Variants in SORCS1 observed in about 807,000 individuals in gnomAD.
SORCS1 encodes VPS10 domain-containing receptor SorCS1.
Under a neutral mutation model 146.1 loss-of-function variants are expected in SORCS1, and 60 were observed. That is an observed-to-expected ratio of 0.41 (90% CI 0.33 to 0.51). The LOEUF (loss-of-function observed/expected upper bound fraction) is 0.51, where lower values mean the gene tolerates loss of function less well. Ranked by LOEUF, SORCS1 falls within the 20% of genes least tolerant of loss-of-function variation. The probability of loss-of-function intolerance (pLI) is 0.21; values close to 1 mark genes in which losing one functional copy is unlikely to be tolerated. For synonymous variants in SORCS1, 637 were observed against 584.0 expected, an observed-to-expected ratio of 1.09 and a Z score of -1.31; for missense variants, 1,352 against 1,487.6, an observed-to-expected ratio of 0.91 and a Z score of 1.50.
chr10:107,013,091 G>A (rs775255583), intron 1 of SORCS1, among the ~76,000 whole-genome samples: 1 of 152,150 alleles, frequency 6.6e-6, no homozygotes, highest in Admixed American at 6.5e-5. Flanking sequence ...GGGGCTTGTA[G>A]AGTACCTGGT....
chr10:106,989,690 T>TTTTTTTTTTTTTTTTTTTTTTTG (rs1956680929), intron 1 of SORCS1, among the ~76,000 whole-genome samples: 1 of 140,260 alleles, frequency 7.1e-6, no homozygotes, highest in African/African-American at 2.8e-5. Flanking sequence ...GTTTTTTTTT[T>TTTTTTTTTTTTTTTTTTTTTTTG]TTTTTTTTTT....
chr10:106,822,829 G>A (rs975849719), intron 3 of SORCS1, among the ~76,000 whole-genome samples: 2 of 135,862 alleles, frequency 1.5e-5, no homozygotes, highest in African/African-American at 5.9e-5. Context: ...TGCCCAGGCT[G>A]GAGTGCAGTG....
At chr10:106,681,239 GT>G (rs1175840321) in intron 10 of SORCS1, among the ~76,000 whole-genome samples, 1 of 152,126 alleles carries the variant, frequency 6.6e-6, no homozygotes, top group Non-Finnish European at 1.5e-5. Flanking sequence ...GTAAGACAGG[GT>G]AAACCAGGAG....
intron 2 of SORCS1, among the ~76,000 whole-genome samples, chr10:106,948,473 G>C (rs1320998465): frequency 6.6e-6 from 1 of 151,930 alleles, no homozygotes; most frequent in Non-Finnish European, 1.5e-5. Context: ...AGGGGTCCAA[G>C]ACCAGTCTGG....
chr10:106,822,384 C>T (rs948116180), intron 3 of SORCS1, among the ~76,000 whole-genome samples: 8 of 152,168 alleles, frequency 5.3e-5, no homozygotes, highest in Non-Finnish European at 1.0e-4. Context: ...CAGAGGCTTC[C>T]GCAGGGACTT....
intron 3 of SORCS1, among the ~76,000 whole-genome samples, chr10:106,812,583 T>C (rs1947520860): frequency 6.6e-6 from 1 of 152,228 alleles, no homozygotes; most frequent in Non-Finnish European, 1.5e-5. Context: ...GGTAGTTCTA[T>C]TAGTTTCTTT....
chr10:106,702,701 T>C (rs367845166), intron 8 of SORCS1, among the ~76,000 whole-genome samples: 51 of 152,354 alleles, frequency 3.3e-4, no homozygotes, highest in African/African-American at 1.2e-3. Flanking sequence ...TTGAAAAGTT[T>C]AAAATATTTA....
the SORCS1 span, among the ~76,000 whole-genome samples, chr10:107,177,101 TTTATG>T: frequency 6.6e-6 from 1 of 152,172 alleles, no homozygotes; most frequent in Non-Finnish European, 1.5e-5. Flanking sequence ...TGAATTCTCC[TTTATG>T]TTATTTTTTG....
intron 23 of SORCS1, among the ~76,000 whole-genome samples, chr10:106,605,366 A>G (rs17121047): frequency 0.042 from 6,402 of 152,300 alleles, 313 homozygotes; most frequent in East Asian, 0.19. Context: ...AAAATACAAC[A>G]CTTTTAGAAA....
chr10:106,690,674 T>C (rs138954808), intron 9 of SORCS1, among the ~76,000 whole-genome samples: 30 of 152,358 alleles, frequency 2.0e-4, no homozygotes, highest in Non-Finnish European at 4.1e-4. Context: ...CGACAGGGGA[T>C]AGAGCTGGAG....
chr10:106,656,535 T>C (rs1329255939), intron 17 of SORCS1, among the ~76,000 whole-genome samples: 1 of 152,040 alleles, frequency 6.6e-6, no homozygotes, highest in Non-Finnish European at 1.5e-5. Context: ...CCGAGCGAGA[T>C]TCTTTCTCAA....
chr10:106,669,850 T>A (rs1398318983), intron 16 of SORCS1, among the ~76,000 whole-genome samples: 1 of 152,194 alleles, frequency 6.6e-6, no homozygotes, highest in African/African-American at 2.4e-5. Flanking sequence ...GCTGCCACTC[T>A]TGTCAGACCT....
At chr10:107,011,941 A>G (rs1957712701) in intron 1 of SORCS1, among the ~76,000 whole-genome samples, 1 of 152,250 alleles carries the variant, frequency 6.6e-6, no homozygotes, top group African/African-American at 2.4e-5. Flanking sequence ...CTGGTGAAAT[A>G]AGGAGATCTT....
intron 1 of SORCS1, among the ~76,000 whole-genome samples, chr10:107,156,669 C>T (rs1266345140): frequency 1.3e-5 from 2 of 152,214 alleles, no homozygotes; most frequent in East Asian, 3.8e-4. Flanking sequence ...TTAGCATCAA[C>T]AGGCAGTCCT....
chr10:106,976,325 G>GTTTTTTT (rs1554901295), intron 1 of SORCS1, among the ~76,000 whole-genome samples: 2 of 90,496 alleles, frequency 2.2e-5, no homozygotes, highest in Non-Finnish European at 4.0e-5. Flanking sequence ...CATCATCTAG[G>GTTTTTTT]TTTTTTTGTT....
chr10:107,034,680 C>CA (rs553032484), intron 1 of SORCS1, among the ~76,000 whole-genome samples: 8,957 of 13,760 alleles, frequency 0.65, 3,668 homozygotes, highest in East Asian at 0.86. Context: ...AACTCCATCT[C>CA]AAAAAAAAAA....
intron 3 of SORCS1, among the ~76,000 whole-genome samples, chr10:106,813,021 G>A (rs1026200196): frequency 2.6e-4 from 39 of 151,964 alleles, no homozygotes; most frequent in African/African-American, 9.4e-4. Flanking sequence ...TGGTATCTAA[G>A]CAGATCCTTG....
In SORCS1 at chr10:106,637,410, T is replaced by C. The variant is rs1848793115; in HGVS notation, c.2476-8022A>G. Reference sequence around the variant, plus strand: ...AAAACTGAGCTCTGGAAGATGACTCTAAAATGTCCAAATCCATGCATAATT... The same window carrying C: ...AAAACTGAGCTCTGGAAGATGACTCCAAAATGTCCAAATCCATGCATAATT... On this transcript the variant is annotated intron_variant, in intron 18 of 25. Transcript: ENST00000263054. Among the ~76,000 whole-genome samples, 2 of 152,216 alleles carry C rather than the reference T, an allele frequency of 1.3e-5. 1 individual carries two copies. The highest frequency in any genetic ancestry group is 4.1e-4 in the South Asian group (2 of 4,830).
intron 4 of SORCS1, among the ~76,000 whole-genome samples, chr10:106,769,560 G>A (rs1430927946): frequency 6.7e-6 from 1 of 149,344 alleles, no homozygotes. Flanking sequence ...TTATAGATAT[G>A]TTTATAGATA....
Sources: gnomAD v4.1 joint callset for allele counts (sites outside exome capture counted in the v4.1 genomes callset) on GRCh38, gnomAD v4.1.1 for gene constraint, MANE v1.5 for transcripts, NCBI Gene and HGNC (gene_info 2026-07-23, HGNC 2026-07-21) for gene names.